VPS13B: variants seen among roughly 807,000 people sequenced by gnomAD.
VPS13B encodes vacuolar protein sorting 13 homolog B, also known as intermembrane lipid transfer protein VPS13B.
VPS13B carries 285 observed loss-of-function variants against 426.4 expected under a neutral mutation model. The ratio of observed to expected loss-of-function variants is 0.67; its 90% CI spans 0.61 to 0.74. The LOEUF (loss-of-function observed/expected upper bound fraction) is 0.74, where lower values mean the gene tolerates loss of function less well. Among genes scored for constraint, VPS13B ranks in the 30% least tolerant of loss-of-function variants. The pLI, the probability that VPS13B is intolerant of heterozygous loss-of-function variation, is 0.00. For synonymous variants in VPS13B, 1,676 were observed against 1,676.4 expected (o/e 1.00, Z 0.01); for missense variants, 4,537 against 4,782.6 (o/e 0.95, Z 1.51).
chr8:99,671,314 AT>A (rs1308155180), intron 35 of VPS13B, among the ~76,000 whole-genome samples: 1 of 151,976 alleles, frequency 6.6e-6, no homozygotes, highest in African/African-American at 2.4e-5. Context: ...TCTTTTTCCT[AT>A]TTTTAAAATT....
At chr8:99,188,411 A>G (rs1487677510) in intron 16 of VPS13B, among the ~76,000 whole-genome samples, 1 of 152,194 alleles carries the variant, frequency 6.6e-6, no homozygotes, top group Non-Finnish European at 1.5e-5. Context: ...ATGTATCAGT[A>G]TTTAATTTTT....
At chr8:99,519,432 C>G (rs150166230) in intron 29 of VPS13B, among the ~76,000 whole-genome samples, 203 of 152,268 alleles carry the variant, frequency 1.3e-3, no homozygotes, top group African/African-American at 4.6e-3. Flanking sequence ...TACCATTTGA[C>G]CCAGCCGTCC....
rs183019123 is a variant in VPS13B at position 99,577,926 on chromosome 8, G to A, written c.5220+293G>A. ...CTGCTGAAGTTCTAAAGTATGATGCGAGAATCCTGGTATAGCTTTCATTTA... is the reference window on the plus strand; with the variant it reads ...CTGCTGAAGTTCTAAAGTATGATGCAAGAATCCTGGTATAGCTTTCATTTA... On this transcript the variant is annotated intron_variant, in intron 33 of 61. Coordinates refer to ENST00000357162, the MANE Select transcript of VPS13B (RefSeq NM_152564.5). 306 of 400,114 alleles carry A rather than the reference G, an allele frequency of 7.6e-4. 1 individual carries two copies. Among genetic ancestry groups the A allele is most frequent in the African/African-American group, 5.3e-3 (261 of 49,112 alleles). 24.8% of individuals were successfully genotyped at this position (400,114 alleles called of 1,614,324 possible).
intron 58 of VPS13B, among the ~76,000 whole-genome samples, chr8:99,866,813 G>A (rs1366210138): frequency 1.3e-5 from 2 of 152,234 alleles, no homozygotes; most frequent in African/African-American, 2.4e-5. Flanking sequence ...TCTTCCAAAT[G>A]GAGTGGAGCA....
intron 21 of VPS13B, among the ~76,000 whole-genome samples, chr8:99,400,021 G>A (rs577449270): frequency 3.3e-5 from 5 of 152,144 alleles, no homozygotes; most frequent in Non-Finnish European, 7.4e-5. Context: ...GGATTGTAAA[G>A]CAGATTTATT....
chr8:99,585,897 A>G (rs72674667), intron 33 of VPS13B, among the ~76,000 whole-genome samples: 1,987 of 152,302 alleles, frequency 0.013, 23 homozygotes, highest in Non-Finnish European at 0.021. Context: ...AAAACTGATC[A>G]TATGGAGGTC....
At chr8:99,153,187 A>T (rs1811167184) in intron 14 of VPS13B, among the ~76,000 whole-genome samples, 1 of 152,170 alleles carries the variant, frequency 6.6e-6, no homozygotes. Context: ...ATACATAAGA[A>T]AAATTTTTTT....
At chr8:99,310,726 C>T (rs1326555771) in intron 19 of VPS13B, among the ~76,000 whole-genome samples, 2 of 152,168 alleles carry the variant, frequency 1.3e-5, no homozygotes. Context: ...AGGATTCCCT[C>T]TTTTTCTATT....
intron 6 of VPS13B, 87 bp from the exon 7 acceptor site, chr8:99,115,613 A>G (rs2132497204): frequency 3.8e-6 from 5 of 1,321,442 alleles, no homozygotes; most frequent in Non-Finnish European, 5.3e-6. Context: ...ATGTTATGCC[A>G]TTTAAAGACT....
chr8:99,070,669 T>A (rs1475111600), intron 3 of VPS13B, among the ~76,000 whole-genome samples: 1 of 152,198 alleles, frequency 6.6e-6, no homozygotes, highest in Non-Finnish European at 1.5e-5. Flanking sequence ...TACCTTCTTT[T>A]CTCGAATTTT....
At chr8:99,080,354 A>G (rs1476345090) in intron 3 of VPS13B, among the ~76,000 whole-genome samples, 2 of 152,102 alleles carry the variant, frequency 1.3e-5, no homozygotes, top group South Asian at 2.1e-4. Context: ...AAAATTTCCT[A>G]TGGTTTCTTG....
chr8:99,366,126 A>G (rs1012586951), intron 19 of VPS13B, among the ~76,000 whole-genome samples: 3 of 152,158 alleles, frequency 2.0e-5, no homozygotes, highest in Non-Finnish European at 4.4e-5. Flanking sequence ...TCTACAGTGC[A>G]GATTAAATCT....
intron 17 of VPS13B, among the ~76,000 whole-genome samples, chr8:99,237,043 C>T (rs1401581922): frequency 6.6e-6 from 1 of 152,142 alleles, no homozygotes. Context: ...AAGAGATGTT[C>T]CCCTTCACAA....
At chr8:99,321,107 C>CT (rs1809955263) in intron 19 of VPS13B, among the ~76,000 whole-genome samples, 1 of 151,974 alleles carries the variant, frequency 6.6e-6, no homozygotes, top group Non-Finnish European at 1.5e-5. Context: ...CTATAAATTA[C>CT]TAAAAAACTA....
chr8:99,250,358 T>G (rs866071000), intron 17 of VPS13B, among the ~76,000 whole-genome samples: 1 of 152,310 alleles, frequency 6.6e-6, no homozygotes, highest in Middle Eastern at 3.4e-3. Flanking sequence ...AGTAAAAGTT[T>G]ATAATTTTGA....
chr8:99,513,959 A>G (rs1164554150), intron 29 of VPS13B, among the ~76,000 whole-genome samples: 11 of 152,184 alleles, frequency 7.2e-5, no homozygotes, highest in Non-Finnish European at 1.0e-4. Flanking sequence ...GTCTTAAAAT[A>G]TCTTATCTAT....
At chr8:99,568,429 T>C (rs535938374) in intron 31 of VPS13B, among the ~76,000 whole-genome samples, 35 of 152,082 alleles carry the variant, frequency 2.3e-4, no homozygotes, top group Admixed American at 3.9e-4. Context: ...TAGCTGGGAC[T>C]ACAGGCCCAC....
At chr8:99,136,279 G>T (rs1488968304) in intron 11 of VPS13B, among the ~76,000 whole-genome samples, 2 of 151,834 alleles carry the variant, frequency 1.3e-5, no homozygotes, top group African/African-American at 4.8e-5. Context: ...GAATATTTCA[G>T]TATATCTTTA....
chr8:99,041,708 C>T (rs551637055), intron 3 of VPS13B, among the ~76,000 whole-genome samples: 4 of 152,216 alleles, frequency 2.6e-5, no homozygotes, highest in Admixed American at 1.3e-4. Context: ...AAAAAATTAG[C>T]TGGGCGTGGT....
Sources: gnomAD v4.1 joint callset for allele counts (sites outside exome capture counted in the v4.1 genomes callset) on GRCh38, gnomAD v4.1.1 for gene constraint, MANE v1.5 for transcripts, NCBI Gene and HGNC (gene_info 2026-07-23, HGNC 2026-07-21) for gene names.